The following PRDM16 variants were observed in gnomAD, a reference collection of about 807,000 sequenced individuals.
PRDM16 encodes the protein histone-lysine N-methyltransferase PRDM16.
A neutral mutation model predicts 110.6 loss-of-function variants in PRDM16; 23 were observed. That is an observed-to-expected ratio of 0.21 (90% CI 0.15 to 0.29). The LOEUF is 0.29. PRDM16 is among the 10% of genes least tolerant of loss of function. The pLI, the probability that PRDM16 is intolerant of heterozygous loss-of-function variation, is 1.00. For synonymous variants in PRDM16, 799 were observed against 781.8 expected (o/e 1.02, Z -0.37); for missense variants, 1,615 against 1,794.3 (o/e 0.90, Z 1.81).
intron 1 of PRDM16, among the ~76,000 whole-genome samples, chr1:3,074,014 T>A (rs1641832162): frequency 6.6e-6 from 1 of 151,984 alleles, no homozygotes; most frequent in African/African-American, 2.4e-5. Flanking sequence ...CCGCCTGGGT[T>A]TAAGTAGGGG....
In PRDM16 at chr1:3,425,332, C is replaced by G; in HGVS notation, c.2940-249C>G. 5.3e-6 allele frequency: 2 copies of G among 377,924 alleles called. No individual in the cohort carries two copies. The highest frequency in any genetic ancestry group is 9.6e-6 in the Non-Finnish European group (2 of 207,858). 23.4% of individuals were successfully genotyped at this position (377,924 alleles called of 1,614,324 possible). Reference sequence around the variant, plus strand: ...TGACCTCGTGATCCACCCGCCTTGGCCTCCCAAAGTGCTGTGATTATAGGC... The same window carrying G: ...TGACCTCGTGATCCACCCGCCTTGGGCTCCCAAAGTGCTGTGATTATAGGC... On this transcript the variant is annotated intron_variant, in intron 12 of 16. Coordinates refer to ENST00000270722, the MANE Select transcript of PRDM16 (RefSeq NM_022114.4). The surrounding 1 kb of genome is among the most constrained non-coding windows in gnomAD (Gnocchi z 6.9).
chr1:3,346,227 GT>G (rs1642360372), intron 3 of PRDM16, among the ~76,000 whole-genome samples: 1 of 152,142 alleles, frequency 6.6e-6, no homozygotes, highest in Non-Finnish European at 1.5e-5. Flanking sequence ...TGTTTCTCCC[GT>G]TGGCCCTGCC....
In PRDM16 at chr1:3,431,000, C is replaced by T. The variant is rs1386711962; in HGVS notation, c.3413C>T (p.Ser1138Leu). Residue 1138 changes from serine (S) to leucine (L), a missense_variant, in exon 15 of 17, where the codon TCG (serine) becomes TTG (leucine). By Grantham distance (145) the Ser-to-Leu change is moderately radical (BLOSUM62 -2). Transcript: ENST00000270722. Reference protein sequence around the residue: ...EDDEDSLAGKSQDDTVSPAPE... With the variant: ...EDDEDSLAGKLQDDTVSPAPE... ...GATGAGGACAGCCTGGCCGGGAAGT[C>T]GCAGGATGACACCGTGTCCCCCGCA... 1.1e-5 allele frequency: 17 copies of T among 1,595,980 alleles called. No homozygotes were observed. The highest frequency in any genetic ancestry group is 1.5e-5 in the Non-Finnish European group (17 of 1,171,134).
intron 2 of PRDM16, among the ~76,000 whole-genome samples, chr1:3,223,848 C>T (rs138799487): frequency 5.0e-4 from 76 of 152,320 alleles, no homozygotes; most frequent in African/African-American, 1.7e-3. Context: ...CCTGTCTCAT[C>T]ACCCACCTTG....
intron 3 of PRDM16, among the ~76,000 whole-genome samples, chr1:3,274,574 A>G (rs907155937): frequency 3.3e-5 from 5 of 152,210 alleles, no homozygotes; most frequent in African/African-American, 1.2e-4. Context: ...AGTGGCTTTA[A>G]TCAGCCCTGA....
Position 3,437,460 on chromosome 1 carries a change from T to G in PRDM16, c.*3649T>G, listed in dbSNP as rs1320133912. The G allele has an allele frequency of 8.7e-6, 2 of 228,876 alleles. No individual in the cohort carries two copies. Among genetic ancestry groups the G allele is most frequent in the African/African-American group, 2.2e-5 (1 of 44,996 alleles). 14.2% of individuals were successfully genotyped at this position (228,876 alleles called of 1,614,324 possible). ...AGTGACTGAAACCTACTGAGCTATATTCACTGTGCTGTCCTAGGGGGAGGG... is the reference window on the plus strand; with the variant it reads ...AGTGACTGAAACCTACTGAGCTATAGTCACTGTGCTGTCCTAGGGGGAGGG... On this transcript the variant is annotated 3_prime_UTR_variant, in exon 17 of 17. Transcript: ENST00000270722.
chr1:3,224,368 G>T (rs1211986499), intron 2 of PRDM16, among the ~76,000 whole-genome samples: 1 of 152,166 alleles, frequency 6.6e-6, no homozygotes, highest in Non-Finnish European at 1.5e-5. Flanking sequence ...CGACAGTGTT[G>T]CCAATACCCA....
chr1:3,188,250 C>T (rs1312914822), intron 2 of PRDM16, among the ~76,000 whole-genome samples: 1 of 152,230 alleles, frequency 6.6e-6, no homozygotes, highest in African/African-American at 2.4e-5. Context: ...TTAGAAAGGT[C>T]TGGACTGTGT....
intron 2 of PRDM16, among the ~76,000 whole-genome samples, chr1:3,235,746 T>TG (rs1167888805): frequency 4.6e-5 from 7 of 151,854 alleles, no homozygotes; most frequent in South Asian, 2.1e-4. Flanking sequence ...GGGCGGGGTG[T>TG]GGGGGGTCCC....
chr1:3,313,147 A>G (rs993627926), intron 3 of PRDM16, among the ~76,000 whole-genome samples: 4 of 152,216 alleles, frequency 2.6e-5, no homozygotes, highest in African/African-American at 9.6e-5. Flanking sequence ...TCCTCGTGAG[A>G]GGATGATGAA....
At chr1:3,115,886 G>C (rs79091557) in intron 1 of PRDM16, among the ~76,000 whole-genome samples, 3 of 152,168 alleles carry the variant, frequency 2.0e-5, no homozygotes, top group Admixed American at 6.5e-5. Context: ...TTGAAGTCTC[G>C]GGTGTCAGGA....
intron 3 of PRDM16, among the ~76,000 whole-genome samples, chr1:3,337,388 A>G (rs1022817190): frequency 6.6e-6 from 1 of 152,150 alleles, no homozygotes; most frequent in East Asian, 1.9e-4. Flanking sequence ...AAGGCACCCA[A>G]CTGCTGCTCC....
intron 1 of PRDM16, among the ~76,000 whole-genome samples, chr1:3,180,984 A>C (rs914822030): frequency 7.0e-6 from 1 of 141,964 alleles, no homozygotes; most frequent in Non-Finnish European, 1.6e-5. Flanking sequence ...TTACACACGC[A>C]GTCTTACACA....
intron 9 of PRDM16, among the ~76,000 whole-genome samples, chr1:3,413,368 G>A (rs777210084): frequency 6.6e-6 from 1 of 152,092 alleles, no homozygotes; most frequent in Non-Finnish European, 1.5e-5. Context: ...AGGAGGAGGC[G>A]AGGGATGAAG....
intron 3 of PRDM16, among the ~76,000 whole-genome samples, chr1:3,336,890 CAT>C (rs1241563799): frequency 1.3e-5 from 2 of 149,046 alleles, no homozygotes; most frequent in Non-Finnish European, 3.0e-5. Context: ...CATGCATCCA[CAT>C]GTGTGTTGGT....
chr1:3,233,855 T>C (rs924362483), intron 2 of PRDM16, among the ~76,000 whole-genome samples: 2 of 151,236 alleles, frequency 1.3e-5, no homozygotes, highest in African/African-American at 2.4e-5. Context: ...GCTTTTTATA[T>C]GCCAATCATA....
intron 1 of PRDM16, among the ~76,000 whole-genome samples, chr1:3,135,056 CA>C (rs1643409165): frequency 6.6e-6 from 1 of 152,032 alleles, no homozygotes; most frequent in Admixed American, 6.6e-5. Context: ...TGGAAGGTGC[CA>C]CCCCCGGGTC....
intron 12 of PRDM16, among the ~76,000 whole-genome samples, chr1:3,419,681 C>A (rs1051374232): frequency 2.6e-5 from 4 of 152,058 alleles, no homozygotes; most frequent in Admixed American, 1.3e-4. Context: ...GTCCTCTGGC[C>A]ACACAGAGCT....
At chr1:3,202,460 C>T (rs928336123) in intron 2 of PRDM16, among the ~76,000 whole-genome samples, 1 of 152,180 alleles carries the variant, frequency 6.6e-6, no homozygotes, top group Non-Finnish European at 1.5e-5. Flanking sequence ...GGTCAGGGCT[C>T]AGTCCCCTTG....
Sources: allele counts gnomAD v4.1 joint callset (sites outside exome capture counted in the v4.1 genomes callset), GRCh38; gene constraint gnomAD v4.1.1; non-coding constraint Gnocchi (gnomAD v3.1); transcripts MANE v1.5; gene names NCBI Gene and HGNC (gene_info 2026-07-23, HGNC 2026-07-21).